Variants in PRDM16 observed in about 807,000 individuals in gnomAD.
PRDM16 encodes the protein histone-lysine N-methyltransferase PRDM16.
PRDM16 carries 23 observed loss-of-function variants against 110.6 expected under a neutral mutation model. The ratio of observed to expected loss-of-function variants is 0.21; its 90% CI spans 0.15 to 0.29. PRDM16 has a LOEUF of 0.29. Among genes scored for constraint, PRDM16 ranks in the 10% least tolerant of loss-of-function variants. The pLI is 1.00. For missense variants in PRDM16, 1,615 were observed against 1,794.3 expected (o/e 0.90, Z 1.81); for synonymous variants, 799 against 781.8 (o/e 1.02, Z -0.37).
At chr1:3,180,932 C>CTT (rs1644146769) in intron 1 of PRDM16, among the ~76,000 whole-genome samples, 2 of 135,672 alleles carry the variant, frequency 1.5e-5, no homozygotes, top group Admixed American at 7.3e-5. Context: ...ACACACGCAG[C>CTT]CACACACGCA....
intron 1 of PRDM16, among the ~76,000 whole-genome samples, chr1:3,155,542 T>C (rs1174650035): frequency 3.3e-5 from 5 of 152,258 alleles, no homozygotes; most frequent in African/African-American, 1.2e-4. Flanking sequence ...TCCATCTGTT[T>C]TCCTTTTTCC....
In PRDM16 at chr1:3,433,713, C is replaced by G. The variant is rs761238816; in HGVS notation, c.3733C>G (p.Pro1245Ala). Residue 1245 changes from proline to alanine, a missense_variant, in exon 17 of 17, where the codon CCT becomes GCT. Pro to Ala is a conservative substitution (Grantham distance 27). Around this residue, in one of 5 missense-constraint regions of PRDM16, gnomAD observed 327 missense variants for 359.3 expected, o/e 0.91. Coordinates refer to ENST00000270722, the MANE Select transcript of PRDM16 (RefSeq NM_022114.4). ...AMMLSLSEDT[P>A]LHTPSQGSLD... ...GATGCTGTCCCTTTCCGAAGACACT[C>G]CTCTCCACACCCCCTCCCAGGGTTC... 1.1e-5 allele frequency: 17 copies of G among 1,614,024 alleles called. No individual in the cohort carries two copies. The highest frequency in any genetic ancestry group is 1.3e-5 in the Non-Finnish European group (15 of 1,179,932).
At chr1:3,185,916 C>T (rs917722184) in intron 1 of PRDM16, among the ~76,000 whole-genome samples, 2 of 152,228 alleles carry the variant, frequency 1.3e-5, no homozygotes, top group African/African-American at 4.8e-5. Flanking sequence ...GGTAGGATCC[C>T]ATCCTCTGGA....
At chr1:3,228,864 G>A (rs1639348315) in intron 2 of PRDM16, among the ~76,000 whole-genome samples, 2 of 152,156 alleles carry the variant, frequency 1.3e-5, no homozygotes, top group South Asian at 2.1e-4. Flanking sequence ...AGCCATCACC[G>A]CCACGGGCAG....
intron 2 of PRDM16, among the ~76,000 whole-genome samples, chr1:3,222,505 C>A (rs1310678326): frequency 6.6e-6 from 1 of 152,222 alleles, no homozygotes; most frequent in East Asian, 1.9e-4. Flanking sequence ...GGCCTGTGGT[C>A]GGCTTCAGGA....
At position 3,244,115 on chromosome 1, in the gene PRDM16, C is replaced by T. The variant is rs753221183; in HGVS notation, c.416C>T (p.Pro139Leu). 6.2e-7 allele frequency: 1 copy of T among 1,613,918 alleles called. No individual in the cohort carries two copies. Among genetic ancestry groups the T allele is most frequent in the Admixed American group, 1.7e-5 (1 of 60,020 alleles). The change falls in exon 3 of 17, where the codon CCC (proline) becomes CTC (leucine). Residue 139 changes from proline (P) to leucine (L), a missense_variant. Transcript: ENST00000270722. This position sits in a 1 kb window ranked among gnomAD's most constrained non-coding sequence, Gnocchi z 4.1. The part of the protein sequence containing the change: ...EQILTDVEVS[P>L]QEGCITKISE... ...ATACTGACGGACGTGGAAGTGTCGCCCCAGGAAGGCTGCATCACAAAGGTA... is the reference window on the plus strand; with the variant it reads ...ATACTGACGGACGTGGAAGTGTCGCTCCAGGAAGGCTGCATCACAAAGGTA...
chr1:3,206,155 G>C lies in PRDM16; in HGVS notation c.387+19681G>C, dbSNP rs1467439818. The C allele has an allele frequency of 6.6e-6, 1 of 152,384 alleles. No individual in the cohort carries two copies. The highest frequency in any genetic ancestry group is 2.4e-5 in the African/African-American group (1 of 41,444). The allele number at this position is 152,384 out of a possible 1,614,324, so 9.4% of individuals were successfully genotyped here. A position where few individuals can be genotyped will look rare whatever the true frequency, so the allele number is the denominator to read the frequency against. On this transcript the variant is annotated intron_variant, in intron 2 of 16. Transcript: ENST00000270722. The surrounding 1 kb of genome is among the most constrained non-coding windows in gnomAD (Gnocchi z 4.9). ...AAGTCCCCTTGTCGGAGGCCACAGA[G>C]CTGGGGTGAACCTACTCTGGGAGAA...
At chr1:3,385,354 T>A in intron 4 of PRDM16, 68 bp downstream of exon 4, 1 of 1,553,912 alleles carries the variant, frequency 6.4e-7, no homozygotes, top group Non-Finnish European at 8.9e-7. Context: ...GCACCAAGAT[T>A]GGTGGAGGTG....
Position 3,146,222 on chromosome 1 carries a change from C to CG in PRDM16, c.38-39896dup, listed in dbSNP as rs554657862. Reference sequence around the variant, plus strand: ...ACTCCTTACCCTCGGAGGGTGGAAACGGGGGGGCCCGCTAACCAATGAACG... The same window carrying CG: ...ACTCCTTACCCTCGGAGGGTGGAAACGGGGGGGGCCCGCTAACCAATGAACG... On this transcript the variant is annotated intron_variant, in intron 1 of 16. Coordinates refer to ENST00000270722, the MANE Select transcript of PRDM16 (RefSeq NM_022114.4). Among the ~76,000 whole-genome samples, 49 of 152,264 alleles carry CG rather than the reference C, an allele frequency of 3.2e-4. No individual in the cohort carries two copies. The East Asian group carries it at 5.8e-3, about 18-fold the overall frequency.
In PRDM16 at chr1:3,243,976, C is replaced by A. The variant is rs190040565; in HGVS notation, c.388-111C>A. 434 of 1,048,408 alleles carry A rather than the reference C, an allele frequency of 4.1e-4. 2 individuals are homozygous for A. Among genetic ancestry groups the A allele is most frequent in the African/African-American group, 3.9e-3 (252 of 64,304 alleles). The allele number at this position is 1,048,408 out of a possible 1,614,324, so 64.9% of individuals were successfully genotyped here. A position where few individuals can be genotyped will look rare whatever the true frequency, so the allele number is the denominator to read the frequency against. ...TCCTGCTGTGGAGAAGCCACTGGGT[C>A]CCACCCTGTGACTTTTGGGGACAGT... On this transcript the variant is annotated intron_variant, in intron 2 of 16. Coordinates refer to ENST00000270722, the MANE Select transcript of PRDM16 (RefSeq NM_022114.4). This position sits in a 1 kb window ranked among gnomAD's most constrained non-coding sequence, Gnocchi z 5.5.
chr1:3,378,558 C>T (rs1643036689), intron 3 of PRDM16, among the ~76,000 whole-genome samples: 1 of 152,168 alleles, frequency 6.6e-6, no homozygotes, highest in South Asian at 2.1e-4. Context: ...GCCTCCATCT[C>T]CTCTTCTACA....
intron 1 of PRDM16, among the ~76,000 whole-genome samples, chr1:3,170,548 G>A (rs1644014193): frequency 6.6e-6 from 1 of 152,194 alleles, no homozygotes; most frequent in Non-Finnish European, 1.5e-5. Flanking sequence ...GAGCATCTGG[G>A]TGGCCCCCAG....
intron 3 of PRDM16, among the ~76,000 whole-genome samples, chr1:3,328,820 C>T (rs1340789477): frequency 6.6e-6 from 1 of 152,148 alleles, no homozygotes; most frequent in Non-Finnish European, 1.5e-5. Flanking sequence ...ATTGTCCGAC[C>T]CTCTGCGCCT....
rs968522341 is a variant in PRDM16 at position 3,438,567 on chromosome 1, C to CA, written c.*4756_*4757insA. 2.0e-5 allele frequency: 4 copies of CA among 196,202 alleles called. No individual in the cohort carries two copies. The highest frequency in any genetic ancestry group is 3.2e-5 in the Non-Finnish European group (3 of 94,454). The allele number at this position is 196,202 out of a possible 1,614,324, so 12.2% of individuals were successfully genotyped here. ...TATACCAAATGTAATCTTTCCAATG[C>CA]TCCAATGAATTTATACATGAGATTG... On this transcript the variant is annotated 3_prime_UTR_variant, in exon 17 of 17. Transcript: ENST00000270722.
chr1:3,132,397 C>T (rs1399703238), intron 1 of PRDM16, among the ~76,000 whole-genome samples: 1 of 152,156 alleles, frequency 6.6e-6, no homozygotes, highest in Non-Finnish European at 1.5e-5. Flanking sequence ...CTACCTTGGG[C>T]CCTTGGGAGG....
chr1:3,214,425 G>A (rs1237921715), intron 2 of PRDM16, among the ~76,000 whole-genome samples: 1 of 152,160 alleles, frequency 6.6e-6, no homozygotes, highest in African/African-American at 2.4e-5. Flanking sequence ...GGTCAGGTGC[G>A]GTGGCTCACA....
At position 3,364,543 on chromosome 1, in the gene PRDM16, T is replaced by C. The variant is rs561394775; in HGVS notation, c.439-20609T>C. Among the ~76,000 whole-genome samples the C allele has an allele frequency of 3.2e-3, 486 of 152,250 alleles. 2 individuals are homozygous for C. Among genetic ancestry groups the C allele is most frequent in the African/African-American group, 0.011 (458 of 41,546 alleles). On this transcript the variant is annotated intron_variant, in intron 3 of 16. Transcript: ENST00000270722. The stretch of plus-strand genomic sequence containing the variant: ...TCCACTGAGCCGTCCACATCCAGGA[T>C]TCCCACCGCTCAGCCCCTCACCCCC...
chr1:3,119,844 C>T (rs1478704679), intron 1 of PRDM16, among the ~76,000 whole-genome samples: 1 of 152,242 alleles, frequency 6.6e-6, no homozygotes, highest in Non-Finnish European at 1.5e-5. Flanking sequence ...TGCTCAGCAG[C>T]TGACACAGCC....
rs1642220872 is a variant in PRDM16 at position 3,339,155 on chromosome 1, C to G, written c.439-45997C>G. 6.6e-6 allele frequency among the ~76,000 whole-genome samples: 1 copy of G among 152,218 alleles called. No homozygotes were observed. The highest frequency in any genetic ancestry group is 2.4e-5 in the African/African-American group (1 of 41,464). On this transcript the variant is annotated intron_variant, in intron 3 of 16. Transcript: ENST00000270722. The surrounding 1 kb of genome is among the most constrained non-coding windows in gnomAD (Gnocchi z 5.0). ...CGGGTGCTCAGAGGCATCTCCTGCT[C>G]TCTCCTTCTGGAGGGCAGCTTCCTG...
Sources: gnomAD v4.1 joint callset for allele counts (sites outside exome capture counted in the v4.1 genomes callset) on GRCh38, gnomAD v4.1.1 for gene constraint, gnomAD v4.1.1 regional missense constraint, Gnocchi (gnomAD v3.1) non-coding constraint, MANE v1.5 for transcripts, NCBI Gene and HGNC (gene_info 2026-07-23, HGNC 2026-07-21) for gene names.